The following ACSL6 variants were observed in gnomAD, a reference collection of about 807,000 sequenced individuals.
ACSL6 encodes acyl-CoA synthetase long chain family member 6, also known as long-chain-fatty-acid--CoA ligase 6.
A neutral mutation model predicts 98.2 loss-of-function variants in ACSL6; 47 were observed. The observed-to-expected ratio is 0.48, with a 90% CI of 0.38 to 0.61. ACSL6 has a LOEUF of 0.61. Among genes scored for constraint, ACSL6 ranks in the 20% least tolerant of loss-of-function variants. The pLI is 0.00. For missense variants in ACSL6, 761 were observed against 913.4 expected (o/e 0.83, Z 2.15); for synonymous variants, 362 against 336.9 (o/e 1.07, Z -0.82).
intron 14 of ACSL6, among the ~76,000 whole-genome samples, chr5:131,971,105 A>G (rs1277880715): frequency 6.6e-6 from 1 of 152,266 alleles, no homozygotes; most frequent in Non-Finnish European, 1.5e-5. Flanking sequence ...AGCTGAATGG[A>G]AAATGAAGAA....
intron 19 of ACSL6, 28 bp from the exon 20 acceptor site, chr5:131,959,635 C>T (rs1198212171): frequency 1.9e-6 from 3 of 1,604,050 alleles, no homozygotes; most frequent in African/African-American, 1.3e-5. Flanking sequence ...AGAAAAATTA[C>T]AAGACAAGAA....
At chr5:131,980,326 G>C (rs924472829) in intron 9 of ACSL6, among the ~76,000 whole-genome samples, 1 of 152,082 alleles carries the variant, frequency 6.6e-6, no homozygotes, top group African/African-American at 2.4e-5. Context: ...TCAGACTTGA[G>C]GGCTAGTAAG....
Position 131,960,595 on chromosome 5 carries a change from A to G in ACSL6, c.1884T>C (p.Pro628=). The change falls in exon 19 of 21, where the codon CCT becomes CCC. Residue 628 remains proline, a synonymous_variant. Transcript: ENST00000651883. ...CCCAGGAGGGCATAACTTCAGGGTC[A>G]GGCACAACAATGCCTACCAAAAAGG... ...LKAFLVGIVV[P]DPEVMPSWAQ... is the part of the protein sequence containing the mutation. 6.2e-7 allele frequency: 1 copy of G among 1,614,138 alleles called. No individual in the cohort carries two copies. The highest frequency in any genetic ancestry group is 8.5e-7 in the Non-Finnish European group (1 of 1,180,012).
intron 10 of ACSL6, chr5:131,975,453 G>A (rs1173793410): frequency 5.1e-6 from 5 of 985,350 alleles, no homozygotes; most frequent in Non-Finnish European, 4.8e-6. Flanking sequence ...GGATTCAGAA[G>A]GTCTTGGCTA....
intron 13 of ACSL6, 105 bp downstream of exon 13, chr5:131,972,619 T>C (rs1302993293): frequency 7.7e-7 from 1 of 1,303,682 alleles, no homozygotes; most frequent in African/African-American, 1.5e-5. Flanking sequence ...TGAGTTACTA[T>C]TTCACATGAT....
intron 5 of ACSL6, 79 bp from the exon 6 acceptor site, chr5:131,988,983 C>A: frequency 7.8e-7 from 1 of 1,285,222 alleles, no homozygotes; most frequent in Non-Finnish European, 1.1e-6. Flanking sequence ...AGGTAACCAG[C>A]GTCCCTGCTC....
chr5:131,978,822 T>C (rs1158161269), intron 9 of ACSL6, among the ~76,000 whole-genome samples: 1 of 152,204 alleles, frequency 6.6e-6, no homozygotes, highest in Non-Finnish European at 1.5e-5. Flanking sequence ...AACTTACTGG[T>C]GACCCATTTG....
chr5:132,003,296 C>T (rs769549597), intron 1 of ACSL6, among the ~76,000 whole-genome samples: 6 of 152,168 alleles, frequency 3.9e-5, no homozygotes, highest in Non-Finnish European at 8.8e-5. Flanking sequence ...GGAGGTCAGG[C>T]GGCACAGCAG....
intron 5 of ACSL6, 127 bp downstream of exon 5, chr5:131,989,280 G>A: frequency 1.1e-6 from 1 of 897,276 alleles, no homozygotes; most frequent in Non-Finnish European, 1.7e-6. Context: ...AGGAGTGGTG[G>A]CATAGCCCAA....
At chr5:131,959,632 T>C in intron 19 of ACSL6, 25 bp from the exon 20 acceptor site, 1 of 1,607,160 alleles carries the variant, frequency 6.2e-7, no homozygotes, top group Non-Finnish European at 8.5e-7. Context: ...ATGAGAAAAA[T>C]TACAAGACAA....
intron 6 of ACSL6, 98 bp from the exon 7 acceptor site, chr5:131,988,324 G>T (rs1561799890): frequency 7.0e-7 from 1 of 1,429,598 alleles, no homozygotes; most frequent in Non-Finnish European, 9.7e-7. Flanking sequence ...CACTTCCATG[G>T]TCTGTGTGCC....
intron 1 of ACSL6, among the ~76,000 whole-genome samples, chr5:132,009,762 C>T (rs1410752072): frequency 6.6e-6 from 1 of 152,186 alleles, no homozygotes; most frequent in Non-Finnish European, 1.5e-5. Context: ...CAGGACTCCA[C>T]TTTGAGTCAG....
rs149994861 is a variant in ACSL6 at position 131,988,823 on chromosome 5, G to T, written c.634C>A (p.Arg212Ser). 1.2e-6 allele frequency: 2 copies of T among 1,613,880 alleles called. No individual in the cohort carries two copies. The highest frequency in any genetic ancestry group is 2.2e-5 in the East Asian group (1 of 44,882). ...GGCTTACCTGTATTGATGATGTAGC[G>T]GATAGCCCCAGGGCCCAGGGTGTCA... The part of the protein sequence containing the change: ...LYDTLGPGAI[R>S]YIINTADIST... The change falls in exon 6 of 21, where the codon CGC (arginine) becomes AGC (serine). Residue 212 changes from arginine to serine, a missense_variant. Transcript: ENST00000651883.
intron 17 of ACSL6, among the ~76,000 whole-genome samples, chr5:131,964,915 G>A (rs1032339379): frequency 6.6e-6 from 1 of 152,150 alleles, no homozygotes; most frequent in Non-Finnish European, 1.5e-5. Context: ...GGATGCAGTA[G>A]GTGCCTGTCC....
At chr5:131,963,308 A>G (rs912149687) in intron 17 of ACSL6, among the ~76,000 whole-genome samples, 3 of 151,652 alleles carry the variant, frequency 2.0e-5, no homozygotes, top group Admixed American at 1.3e-4. Flanking sequence ...ACCCGTCCTC[A>G]CCTCCCTGAC....
At chr5:132,002,530 C>A (rs749191517) in intron 1 of ACSL6, among the ~76,000 whole-genome samples, 36 of 152,022 alleles carry the variant, frequency 2.4e-4, no homozygotes, top group Non-Finnish European at 5.0e-4. Flanking sequence ...GTGGGGGGAG[C>A]AACAGAGGGA....
At chr5:132,008,593 G>C (rs1338341525) in intron 1 of ACSL6, among the ~76,000 whole-genome samples, 1 of 152,162 alleles carries the variant, frequency 6.6e-6, no homozygotes, top group East Asian at 1.9e-4. Context: ...TAAATGGAGG[G>C]ATCCTCTACC....
At chr5:131,998,596 A>G (rs1011859095) in intron 1 of ACSL6, among the ~76,000 whole-genome samples, 2 of 151,956 alleles carry the variant, frequency 1.3e-5, no homozygotes, top group African/African-American at 4.8e-5. Flanking sequence ...TGGCTCCAAG[A>G]ACTCTCTGCT....
chr5:131,998,702 C>T (rs1176201137), intron 1 of ACSL6, among the ~76,000 whole-genome samples: 1 of 152,204 alleles, frequency 6.6e-6, no homozygotes, highest in African/African-American at 2.4e-5. Flanking sequence ...CTGACAGCCA[C>T]CACCAACCAC....
Sources: gnomAD v4.1 joint callset for allele counts (sites outside exome capture counted in the v4.1 genomes callset) on GRCh38, gnomAD v4.1.1 for gene constraint, MANE v1.5 for transcripts, NCBI Gene and HGNC (gene_info 2026-07-23, HGNC 2026-07-21) for gene names.